The following FAT3 variants were observed in gnomAD, a reference collection of about 807,000 sequenced individuals.
FAT3 encodes FAT atypical cadherin 3.
Under a neutral mutation model 310.2 loss-of-function variants are expected in FAT3, and 95 were observed. The observed-to-expected ratio is 0.31, with a 90% CI of 0.26 to 0.36. The LOEUF (loss-of-function observed/expected upper bound fraction) is 0.36. Ranked by LOEUF, FAT3 falls within the 10% of genes least tolerant of loss-of-function variation. FAT3 has a pLI of 1.00. For synonymous variants in FAT3, 2,314 were observed against 2,192.9 expected, an observed-to-expected ratio of 1.06 and a Z score of -1.54; for missense variants, 5,408 against 5,715.6, an observed-to-expected ratio of 0.95 and a Z score of 1.74.
intron 2 of FAT3, among the ~76,000 whole-genome samples, chr11:92,482,641 G>T (rs774538427): frequency 6.6e-6 from 1 of 151,936 alleles, no homozygotes; most frequent in Non-Finnish European, 1.5e-5. Flanking sequence ...TCTCAGCTCC[G>T]CATCCCTCTC....
At chr11:92,802,555 G>A (rs954794130) in intron 10 of FAT3, among the ~76,000 whole-genome samples, 3 of 152,168 alleles carry the variant, frequency 2.0e-5, no homozygotes, top group African/African-American at 7.2e-5. Flanking sequence ...AAATGTCACT[G>A]TTGCCCTGAG....
chr11:92,852,900 G>A (rs573355979), intron 19 of FAT3, among the ~76,000 whole-genome samples: 1 of 152,308 alleles, frequency 6.6e-6, no homozygotes, highest in Admixed American at 6.5e-5. Flanking sequence ...TTACCTCTGT[G>A]CTTTAATCTA....
chr11:92,367,152 T>A, intron 2 of FAT3: 3 of 393,342 alleles, frequency 7.6e-6, no homozygotes, highest in South Asian at 6.4e-5. Context: ...TCTCGTGGCC[T>A]GCTGGGCTCA....
At chr11:92,880,680 C>G (rs577182727) in intron 22 of FAT3, 51 bp from the exon 23 acceptor site, 54 of 1,576,670 alleles carry the variant, frequency 3.4e-5, no homozygotes, top group Non-Finnish European at 3.4e-6. Context: ...AGTCCAAGCA[C>G]TCAGCCCTAG....
intron 3 of FAT3, among the ~76,000 whole-genome samples, chr11:92,606,460 C>T (rs75829605): frequency 0.036 from 5,434 of 152,230 alleles, 322 homozygotes; most frequent in African/African-American, 0.12. Context: ...GCAGCTCAGG[C>T]ATGCTGGAGA....
chr11:92,653,322 A>G (rs1315330128), intron 3 of FAT3, among the ~76,000 whole-genome samples: 1 of 152,102 alleles, frequency 6.6e-6, no homozygotes, highest in East Asian at 1.9e-4. Flanking sequence ...CGTGGAACCT[A>G]CTTCTGTGTC....
intron 1 of FAT3, among the ~76,000 whole-genome samples, chr11:92,303,807 A>G (rs951063132): frequency 6.6e-6 from 1 of 152,226 alleles, no homozygotes. Context: ...CCACCTGATC[A>G]TTTCATTTTG....
intron 1 of FAT3, among the ~76,000 whole-genome samples, chr11:92,317,520 T>TA (rs554935165): frequency 6.6e-6 from 1 of 152,180 alleles, no homozygotes; most frequent in Non-Finnish European, 1.5e-5. Context: ...AAAAAATAAA[T>TA]AAAGCCATTC....
At chr11:92,750,486 G>A (rs1338456457) in intron 4 of FAT3, among the ~76,000 whole-genome samples, 1 of 152,194 alleles carries the variant, frequency 6.6e-6, no homozygotes, top group East Asian at 1.9e-4. Flanking sequence ...GATGAGCTGA[G>A]CAGAGGAGCT....
At chr11:92,292,391 T>G (rs1230523452) in intron 1 of FAT3, among the ~76,000 whole-genome samples, 1 of 152,060 alleles carries the variant, frequency 6.6e-6, no homozygotes, top group Non-Finnish European at 1.5e-5. Flanking sequence ...CAGAGTAGTT[T>G]CAAAGCTAGA....
At chr11:92,437,055 G>A (rs1007091047) in intron 2 of FAT3, among the ~76,000 whole-genome samples, 6 of 152,142 alleles carry the variant, frequency 3.9e-5, no homozygotes, top group Admixed American at 3.3e-4. Context: ...TAATAGCAAT[G>A]ACATTTATTC....
At chr11:92,557,390 T>C (rs1354659822) in intron 3 of FAT3, among the ~76,000 whole-genome samples, 1 of 151,868 alleles carries the variant, frequency 6.6e-6, no homozygotes, top group Admixed American at 6.6e-5. Context: ...TTAAAGAGAG[T>C]TTGTTGAATC....
At chr11:92,749,415 A>G (rs1945766977) in intron 4 of FAT3, among the ~76,000 whole-genome samples, 1 of 152,198 alleles carries the variant, frequency 6.6e-6, no homozygotes, top group Non-Finnish European at 1.5e-5. Context: ...GATTGAGGTT[A>G]TTTCTAATAA....
chr11:92,423,136 A>G (rs1950564437), intron 2 of FAT3, among the ~76,000 whole-genome samples: 1 of 152,150 alleles, frequency 6.6e-6, no homozygotes, highest in African/African-American at 2.4e-5. Flanking sequence ...AGACATGCCT[A>G]TCTCTCTTCC....
chr11:92,468,994 G>A (rs1373945326), intron 2 of FAT3, among the ~76,000 whole-genome samples: 1 of 152,138 alleles, frequency 6.6e-6, no homozygotes, highest in East Asian at 1.9e-4. Flanking sequence ...CTTTCAAGGT[G>A]TCTTGTCATC....
chr11:92,340,559 C>T (rs558912198), intron 1 of FAT3, among the ~76,000 whole-genome samples: 2 of 152,274 alleles, frequency 1.3e-5, no homozygotes, highest in Non-Finnish European at 2.9e-5. Context: ...ACCAGGATCC[C>T]AAAGAGGGGA....
intron 16 of FAT3, 146 bp from the exon 17 acceptor site, chr11:92,837,517 G>C: frequency 1.1e-6 from 1 of 946,160 alleles, no homozygotes; most frequent in Non-Finnish European, 1.6e-6. Context: ...AATGTCAGTG[G>C]TGCCAAGAAT....
intron 13 of FAT3, among the ~76,000 whole-genome samples, chr11:92,819,614 T>C (rs1947909004): frequency 6.6e-6 from 1 of 152,142 alleles, no homozygotes; most frequent in South Asian, 2.1e-4. Context: ...TAAAATAAAA[T>C]ACAAAAAGTT....
chr11:92,857,735 G>C (rs1949019043), intron 20 of FAT3, among the ~76,000 whole-genome samples: 1 of 152,162 alleles, frequency 6.6e-6, no homozygotes, highest in Admixed American at 6.5e-5. Context: ...GCAAAACCAA[G>C]ATCCACAGAA....
Sources: allele counts gnomAD v4.1 joint callset (sites outside exome capture counted in the v4.1 genomes callset), GRCh38; gene constraint gnomAD v4.1.1; transcripts MANE v1.5; gene names NCBI Gene and HGNC (gene_info 2026-07-23, HGNC 2026-07-21).